SOS1: variants seen among roughly 807,000 people sequenced by gnomAD.
SOS1 encodes the protein SOS Ras/Rac guanine nucleotide exchange factor 1, also known as son of sevenless homolog 1.
Under a neutral mutation model 157.6 loss-of-function variants are expected in SOS1, and 25 were observed. The ratio of observed to expected loss-of-function variants is 0.16; its 90% confidence interval spans 0.12 to 0.22. The LOEUF (loss-of-function observed/expected upper bound fraction) is 0.22. SOS1 is among the 10% of genes least tolerant of loss of function. SOS1 has a pLI of 1.00. For synonymous variants in SOS1, 528 were observed against 534.0 expected, an observed-to-expected ratio of 0.99 and a Z score of 0.16; for missense variants, 1,237 against 1,599.1, an observed-to-expected ratio of 0.77 and a Z score of 3.86.
rs1440773156 is a variant in SOS1, at chr2:38,985,099, ACTT to A, written c.*722_*724del. 1 of 152,142 alleles carries A rather than the reference ACTT, an allele frequency of 6.6e-6. No individual in the cohort carries two copies. The highest frequency in any genetic ancestry group is 6.5e-5 in the Admixed American group (1 of 15,276). The allele number at this position is 152,142 out of a possible 1,614,324, so 9.4% of individuals were successfully genotyped here. On this transcript the variant is annotated 3_prime_UTR_variant, in exon 23 of 23. Coordinates refer to ENST00000402219, the MANE Select transcript of SOS1 (RefSeq NM_005633.4). ...TCTTCTGTCATGTTAATGACACAAA[ACTT>A]CTCTTTTTTGAAGGCAACACCACCA...
intron 1 of SOS1, 42 bp downstream of exon 1, chr2:39,120,294 G>T (rs769424182): frequency 4.6e-6 from 7 of 1,525,358 alleles, no homozygotes; most frequent in Admixed American, 1.8e-5. Context: ...CGCCCGCGCT[G>T]GGGGGCTGCG....
intron 1 of SOS1, among the ~76,000 whole-genome samples, chr2:39,070,044 G>A (rs962611812): frequency 2.0e-5 from 3 of 152,064 alleles, no homozygotes; most frequent in African/African-American, 7.2e-5. Context: ...CTACAGCCCA[G>A]AATTCATAAT....
At chr2:38,994,539 T>C (rs527382867) in intron 20 of SOS1, among the ~76,000 whole-genome samples, 2 of 152,306 alleles carry the variant, frequency 1.3e-5, no homozygotes, top group Admixed American at 1.3e-4. Flanking sequence ...CAAATACATG[T>C]TAAGTATCCT....
rs2124462804 is a variant in SOS1, at chr2:38,989,298, A to G, written c.3363T>C (p.Phe1121=). ...GGCCATGGGGCAGAGTAACTTGGAT[A>G]AAGACGGTATCATTGCCTGTGAAAG... The part of the protein sequence containing the change: ...SPFHSSNDTV[F]IQVTLPHGPR... The change falls in exon 21 of 23, where the codon TTT becomes TTC. Residue 1121 remains phenylalanine, a synonymous_variant. Transcript: ENST00000402219. 1.9e-6 allele frequency: 3 copies of G among 1,607,164 alleles called. No individual in the cohort carries two copies. The highest frequency in any genetic ancestry group is 2.6e-6 in the Non-Finnish European group (3 of 1,173,978).
chr2:39,005,579 G>A (rs545402989), intron 17 of SOS1, among the ~76,000 whole-genome samples: 1 of 152,052 alleles, frequency 6.6e-6, no homozygotes, highest in South Asian at 2.1e-4. Flanking sequence ...AATGTGCACA[G>A]CAAAAAGATT....
intron 6 of SOS1, among the ~76,000 whole-genome samples, chr2:39,043,389 G>GT (rs1419732136): frequency 1.4e-4 from 21 of 152,210 alleles, no homozygotes; most frequent in African/African-American, 5.1e-4. Flanking sequence ...ATGTCTCATA[G>GT]TTTTTTCTTT....
chr2:39,035,374 T>C lies in SOS1; in HGVS notation c.975+16A>G, dbSNP rs1271679149. The C allele has an allele frequency of 6.2e-7, 1 of 1,606,298 alleles. No homozygotes were observed. Among genetic ancestry groups the C allele is most frequent in the Admixed American group, 1.7e-5 (1 of 60,012 alleles). On this transcript the variant is annotated intron_variant, in intron 7 of 22. Coordinates refer to ENST00000402219, the MANE Select transcript of SOS1 (RefSeq NM_005633.4). ...CTTTTCAGACATTGTACATCTTCAT[T>C]TAAAAATTACTATACCTGCAAATAA...
At chr2:39,023,313 T>G (rs1669856389) in intron 9 of SOS1, 88 bp from the exon 10 acceptor site, 1 of 945,690 alleles carries the variant, frequency 1.1e-6, no homozygotes, top group Admixed American at 2.3e-5. Context: ...AAGTAGATTT[T>G]TACAAGTCTC....
chr2:39,019,931 T>G lies in SOS1; in HGVS notation c.1858+2639A>C, dbSNP rs371050729. Among the ~76,000 whole-genome samples, 11 of 151,694 alleles carry G rather than the reference T, an allele frequency of 7.3e-5. No individual in the cohort carries two copies. In the East Asian group the frequency reaches 1.7e-3, roughly 24 times the overall value. On this transcript the variant is annotated intron_variant, in intron 10 of 22. Transcript: ENST00000402219. Reference sequence around the variant, plus strand: ...TTATTGGCAGTTCAAACCAAGGAAGTAATTTATTTATTTTTTTTGAGCTCA... The same window carrying G: ...TTATTGGCAGTTCAAACCAAGGAAGGAATTTATTTATTTTTTTTGAGCTCA...
At chr2:39,002,813 C>T (rs932009890) in intron 17 of SOS1, among the ~76,000 whole-genome samples, 1 of 151,990 alleles carries the variant, frequency 6.6e-6, no homozygotes, top group Non-Finnish European at 1.5e-5. Flanking sequence ...ACCTGTAATC[C>T]TAGAACTTTG....
intron 10 of SOS1, 84 bp from the exon 11 acceptor site, chr2:39,014,930 A>C (rs139151449): frequency 3.8e-5 from 32 of 839,752 alleles, no homozygotes; most frequent in Admixed American, 5.6e-5. Flanking sequence ...AAAATAGATC[A>C]AATAGTCAAG....
chr2:39,038,642 G>A (rs1389982462), intron 6 of SOS1, among the ~76,000 whole-genome samples: 2 of 149,462 alleles, frequency 1.3e-5, no homozygotes, highest in Non-Finnish European at 3.0e-5. Context: ...GCTGAGGCAG[G>A]AGAATCGCTA....
intron 10 of SOS1, among the ~76,000 whole-genome samples, chr2:39,017,526 A>G (rs72799439): frequency 0.022 from 3,282 of 152,146 alleles, 56 homozygotes; most frequent in Non-Finnish European, 0.036. Flanking sequence ...ACACTCCCAT[A>G]ATCATGACTG....
intron 21 of SOS1, among the ~76,000 whole-genome samples, chr2:38,989,068 A>C (rs1052261476): frequency 3.3e-5 from 5 of 151,878 alleles, no homozygotes; most frequent in Admixed American, 3.3e-4. Context: ...ACAAGGTTTT[A>C]TAAAAAGCAT....
chr2:39,011,259 A>G (rs1314741490), intron 14 of SOS1, among the ~76,000 whole-genome samples: 3 of 152,152 alleles, frequency 2.0e-5, no homozygotes, highest in South Asian at 2.1e-4. Flanking sequence ...GCGTTCCTTT[A>G]TAGTAGCATT....
chr2:39,058,151 G>C (rs1671275188), intron 3 of SOS1, among the ~76,000 whole-genome samples: 1 of 152,006 alleles, frequency 6.6e-6, no homozygotes, highest in Non-Finnish European at 1.5e-5. Flanking sequence ...AATAGAAATA[G>C]CATTATTCGA....
chr2:39,098,640 A>T (rs1483551086), intron 1 of SOS1, among the ~76,000 whole-genome samples: 4 of 152,248 alleles, frequency 2.6e-5, no homozygotes, highest in African/African-American at 9.6e-5. Flanking sequence ...CTGTAATCCC[A>T]GCACTTTGGG....
In SOS1 at chr2:39,043,343, A is replaced by T. The variant is rs551741619; in HGVS notation, c.864+7801T>A. On this transcript the variant is annotated intron_variant, in intron 6 of 22. Coordinates refer to ENST00000402219, the MANE Select transcript of SOS1 (RefSeq NM_005633.4). The stretch of plus-strand genomic sequence containing the variant: ...AGACATATGTTTTATTGTATCATAA[A>T]CTGATTTTTCATTGCCATTTCATTG... Among the ~76,000 whole-genome samples, 28 of 152,284 alleles carry T rather than the reference A, an allele frequency of 1.8e-4. 1 individual carries two copies. Among genetic ancestry groups the T allele is most frequent in the African/African-American group, 5.5e-4 (23 of 41,546 alleles).
chr2:39,068,692 A>C (rs979804263), intron 1 of SOS1, among the ~76,000 whole-genome samples: 2 of 150,190 alleles, frequency 1.3e-5, no homozygotes, highest in African/African-American at 5.0e-5. Context: ...CCATTTCTTT[A>C]ATTTTTTTTT....
Sources: gnomAD v4.1 joint callset for allele counts (sites outside exome capture counted in the v4.1 genomes callset) on GRCh38, gnomAD v4.1.1 for gene constraint, MANE v1.5 for transcripts, NCBI Gene and HGNC (gene_info 2026-07-23, HGNC 2026-07-21) for gene names.